The following LAMB4 variants were observed in gnomAD, a reference collection of about 807,000 sequenced individuals.
The protein encoded by LAMB4 is laminin subunit beta-4.
In LAMB4, 196 loss-of-function variants were observed where a neutral mutation model predicts 199.2. The observed-to-expected ratio is 0.98, with a 90% confidence interval of 0.88 to 1.11. The LOEUF (loss-of-function observed/expected upper bound fraction) is 1.11. Among genes scored for constraint, LAMB4 ranks in the 50% least tolerant of loss-of-function variants. The probability of loss-of-function intolerance (pLI) is 0.00; values close to 1 mark genes in which losing one functional copy is unlikely to be tolerated. For missense variants in LAMB4, 2,080 were observed against 2,171.2 expected, an observed-to-expected ratio of 0.96 and a Z score of 0.83; for synonymous variants, 744 against 770.6, an observed-to-expected ratio of 0.97 and a Z score of 0.57.
intron 10 of LAMB4, among the ~76,000 whole-genome samples, chr7:108,101,245 G>A (rs1307631810): frequency 6.6e-6 from 1 of 152,100 alleles, no homozygotes; most frequent in Non-Finnish European, 1.5e-5. Flanking sequence ...GTCCCCACTG[G>A]CTCTTTACCT....
chr7:108,051,829 G>T (rs1410134522), intron 26 of LAMB4, among the ~76,000 whole-genome samples: 1 of 152,004 alleles, frequency 6.6e-6, no homozygotes, highest in Non-Finnish European at 1.5e-5. Flanking sequence ...CCCTTACATG[G>T]GTTTGGCACT....
chr7:108,065,097 A>G (rs1210871366), intron 21 of LAMB4, among the ~76,000 whole-genome samples: 1 of 152,002 alleles, frequency 6.6e-6, no homozygotes, highest in Non-Finnish European at 1.5e-5. Context: ...CTGTGGAGAC[A>G]GGGTCTTGCT....
intron 14 of LAMB4, among the ~76,000 whole-genome samples, chr7:108,087,787 C>G (rs1010702237): frequency 6.6e-6 from 1 of 152,232 alleles, no homozygotes; most frequent in Non-Finnish European, 1.5e-5. Context: ...GTTCAACTCT[C>G]TAACCCTTCA....
intron 23 of LAMB4, among the ~76,000 whole-genome samples, chr7:108,060,683 A>G (rs763006709): frequency 6.6e-6 from 1 of 152,364 alleles, no homozygotes; most frequent in East Asian, 1.9e-4. Flanking sequence ...AGCTGGAACA[A>G]TTTGAACCAC....
chr7:108,016,315 G>T, the LAMB4 span, among the ~76,000 whole-genome samples: 1 of 123,236 alleles, frequency 8.1e-6, no homozygotes, highest in African/African-American at 3.3e-5. Context: ...ATGGAGTCTC[G>T]CTCTGTTGCT....
intron 31 of LAMB4, among the ~76,000 whole-genome samples, chr7:108,032,403 A>T (rs1190252561): frequency 2.0e-5 from 3 of 152,140 alleles, no homozygotes; most frequent in Non-Finnish European, 2.9e-5. Flanking sequence ...AAAATAAAAA[A>T]AAAAAATCTT....
At chr7:108,040,487 T>C (rs879964613) in intron 29 of LAMB4, among the ~76,000 whole-genome samples, 1 of 152,158 alleles carries the variant, frequency 6.6e-6, no homozygotes. Flanking sequence ...GCTAGAGACA[T>C]CGTGCTATCT....
Position 108,116,007 on chromosome 7 carries a change from C to A in LAMB4, c.189G>T (p.Leu63=). 6.2e-7 allele frequency: 1 copy of A among 1,610,696 alleles called. No homozygotes were observed. Among genetic ancestry groups the A allele is most frequent in the Non-Finnish European group, 8.5e-7 (1 of 1,177,956 alleles). Residue 63 remains leucine, a synonymous_variant, in exon 3 of 34, where the codon CTG becomes CTT. Coordinates refer to ENST00000388781, the MANE Select transcript of LAMB4 (RefSeq NM_007356.3). ...AATAAACAAAGAGCCAACCCACCTC[C>A]AGGTAACTGAGGATGCAGTATTTCT... ...RAQKYCILSY[L]EGEQKCFICD... is the part of the protein sequence containing the mutation.
In LAMB4 at chr7:108,057,812, T is replaced by C. The variant is rs1337769497; in HGVS notation, c.3379+20A>G. On this transcript the variant is annotated intron_variant, in intron 24 of 33. Transcript: ENST00000388781. ...CCAGGCTGACTGTACGCATGAGTTT[T>C]TAGAAATCCCAATACTTACGAATGC... The C allele has an allele frequency of 6.5e-7, 1 of 1,543,036 alleles. No individual in the cohort carries two copies. The highest frequency in any genetic ancestry group is 1.7e-5 in the Admixed American group (1 of 59,934).
chr7:108,064,893 C>CTTTTTTTTTT (rs59452561), intron 21 of LAMB4, among the ~76,000 whole-genome samples: 2 of 138,814 alleles, frequency 1.4e-5, no homozygotes, highest in African/African-American at 2.7e-5. Flanking sequence ...GTGTAAATAC[C>CTTTTTTTTTT]TTTTTTTTTT....
intron 4 of LAMB4, among the ~76,000 whole-genome samples, chr7:108,111,422 C>T (rs781589198): frequency 1.2e-4 from 19 of 152,240 alleles, no homozygotes; most frequent in East Asian, 1.9e-4. Context: ...AAGCACTTGG[C>T]GCTAACTCTC....
intron 2 of LAMB4, among the ~76,000 whole-genome samples, chr7:108,121,029 A>G (rs1436999488): frequency 6.6e-6 from 1 of 152,270 alleles, no homozygotes; most frequent in East Asian, 1.9e-4. Flanking sequence ...TCATGCCTGA[A>G]CATAGACTAA....
intron 33 of LAMB4, among the ~76,000 whole-genome samples, chr7:108,028,477 T>G (rs1247605722): frequency 6.9e-6 from 1 of 144,974 alleles, no homozygotes; most frequent in Non-Finnish European, 1.5e-5. Context: ...AGGGCATTTT[T>G]TTTTTTTTTT....
intron 17 of LAMB4, among the ~76,000 whole-genome samples, chr7:108,070,921 G>C (rs1401026600): frequency 6.6e-6 from 1 of 152,086 alleles, no homozygotes; most frequent in Admixed American, 6.5e-5. Context: ...CCCAGCAAAA[G>C]GCCTGGAGCT....
intron 26 of LAMB4, among the ~76,000 whole-genome samples, chr7:108,051,682 G>GT (rs950296130): frequency 1.3e-4 from 19 of 151,628 alleles, no homozygotes; most frequent in South Asian, 4.2e-4. Context: ...ATATTGTGGG[G>GT]TTTTTTTTGC....
Position 108,037,706 on chromosome 7 carries a change from G to A in LAMB4, c.4472-111C>T. The stretch of plus-strand genomic sequence containing the variant: ...CAAATGCACTTGCACTTGATTATGT[G>A]CCCCTAGAATACAGGGATTAGATTG... On this transcript the variant is annotated intron_variant, in intron 29 of 33. Coordinates refer to ENST00000388781, the MANE Select transcript of LAMB4 (RefSeq NM_007356.3). The A allele has an allele frequency of 4.0e-6, 3 of 757,084 alleles. No homozygotes were observed. In the Admixed American group the frequency reaches 6.5e-5, roughly 16 times the overall value. The allele number at this position is 757,084 out of a possible 1,614,324, so 46.9% of individuals were successfully genotyped here. A position where few individuals can be genotyped will look rare whatever the true frequency, so the allele number is the denominator to read the frequency against.
chr7:108,028,044 A>G (rs984269483), intron 33 of LAMB4, among the ~76,000 whole-genome samples: 3 of 152,158 alleles, frequency 2.0e-5, no homozygotes, highest in Non-Finnish European at 4.4e-5. Context: ...TCAGCCTCCC[A>G]AAGTGTTGGG....
In LAMB4 at chr7:108,115,999, C is replaced by T. The variant is rs1350673041; in HGVS notation, c.192+5G>A. On this transcript the variant is annotated splice_donor_5th_base_variant and intron_variant, in intron 3 of 33. Transcript: ENST00000388781. ...TCCCAGCAAATAAACAAAGAGCCAA[C>T]CCACCTCCAGGTAACTGAGGATGCA... is the stretch of plus-strand genomic sequence containing the variant. 2 of 1,609,022 alleles carry T rather than the reference C, an allele frequency of 1.2e-6. No individual in the cohort carries two copies. Among genetic ancestry groups the T allele is most frequent in the South Asian group, 2.2e-5 (2 of 90,460 alleles).
Position 108,027,399 on chromosome 7 carries a change from C to T in LAMB4, c.5146+1644G>A, listed in dbSNP as rs187202024. Reference sequence around the variant, plus strand: ...AAGAAGCAGTGGTTTCTTCTTCACTCCCACTGCCTCCCTAGAGATAACTAA... The same window carrying T: ...AAGAAGCAGTGGTTTCTTCTTCACTTCCACTGCCTCCCTAGAGATAACTAA... On this transcript the variant is annotated intron_variant, in intron 33 of 33. Coordinates refer to ENST00000388781, the MANE Select transcript of LAMB4 (RefSeq NM_007356.3). Among the ~76,000 whole-genome samples, 285 of 152,288 alleles carry T rather than the reference C, an allele frequency of 1.9e-3. 1 individual carries two copies. The highest frequency in any genetic ancestry group is 6.7e-3 in the African/African-American group (280 of 41,556).
Sources: gnomAD v4.1 joint callset for allele counts (sites outside exome capture counted in the v4.1 genomes callset) on GRCh38, gnomAD v4.1.1 for gene constraint, MANE v1.5 for transcripts, NCBI Gene and HGNC (gene_info 2026-07-23, HGNC 2026-07-21) for gene names.